CHODL: variants seen among roughly 807,000 people sequenced by gnomAD.
CHODL encodes the protein transmembrane protein MT75.
A neutral mutation model predicts 34.5 loss-of-function variants in CHODL; 29 were observed. The observed-to-expected ratio is 0.84, with a 90% CI of 0.63 to 1.15. The LOEUF (loss-of-function observed/expected upper bound fraction) is 1.15, where lower values mean the gene tolerates loss of function less well. Ranked by LOEUF, CHODL falls within the 50% of genes most tolerant of loss-of-function variation. The pLI is 0.00. For missense variants in CHODL, 332 were observed against 332.5 expected (o/e 1.00, Z 0.01); for synonymous variants, 125 against 116.1 (o/e 1.08, Z -0.49).
intron 1 of CHODL, among the ~76,000 whole-genome samples, chr21:17,969,549 C>T (rs2063598061): frequency 6.6e-6 from 1 of 152,156 alleles, no homozygotes; most frequent in Non-Finnish European, 1.5e-5. Context: ...GGTTATATTA[C>T]ATTTTGAGAA....
chr21:18,227,896 A>G (rs562195608), intron 2 of CHODL, among the ~76,000 whole-genome samples: 78 of 152,328 alleles, frequency 5.1e-4, no homozygotes, highest in African/African-American at 1.8e-3. Context: ...TTTGCAATAA[A>G]TACAAATAAA....
intron 2 of CHODL, among the ~76,000 whole-genome samples, chr21:18,179,168 G>A (rs762277591): frequency 6.6e-6 from 1 of 152,124 alleles, no homozygotes; most frequent in Non-Finnish European, 1.5e-5. Flanking sequence ...GGAGTTTTGA[G>A]GTGGTGCAGG....
chr21:18,023,992 T>C (rs1383302434), intron 1 of CHODL, among the ~76,000 whole-genome samples: 1 of 152,172 alleles, frequency 6.6e-6, no homozygotes, highest in African/African-American at 2.4e-5. Context: ...ATAACTTTGG[T>C]TGACTTACAC....
chr21:18,208,176 T>A (rs1400774378), intron 2 of CHODL, among the ~76,000 whole-genome samples: 1 of 151,066 alleles, frequency 6.6e-6, no homozygotes, highest in East Asian at 1.9e-4. Flanking sequence ...TTCTTCTTTT[T>A]TTTTTTTGGT....
chr21:18,109,417 A>C (rs2065319463), intron 2 of CHODL, among the ~76,000 whole-genome samples: 1 of 152,074 alleles, frequency 6.6e-6, no homozygotes, highest in Non-Finnish European at 1.5e-5. Context: ...AGCAGAGAGA[A>C]TGGAGACTCT....
At chr21:18,133,245 C>T (rs545226431) in intron 2 of CHODL, among the ~76,000 whole-genome samples, 160 of 152,198 alleles carry the variant, frequency 1.1e-3, no homozygotes, top group Non-Finnish European at 1.9e-3. Flanking sequence ...GTAACCACTG[C>T]CAATTGTTCG....
At chr21:18,020,189 T>A (rs1429413068) in intron 1 of CHODL, among the ~76,000 whole-genome samples, 5 of 152,166 alleles carry the variant, frequency 3.3e-5, no homozygotes, top group Non-Finnish European at 7.3e-5. Context: ...TGAAATTGTT[T>A]AGTTGGCTCA....
At chr21:18,150,013 A>T (rs779992875) in intron 2 of CHODL, among the ~76,000 whole-genome samples, 3 of 152,176 alleles carry the variant, frequency 2.0e-5, no homozygotes, top group South Asian at 2.1e-4. Flanking sequence ...TATACATTTT[A>T]GGGAGATATG....
At chr21:18,223,546 G>A (rs1435312276) in intron 2 of CHODL, among the ~76,000 whole-genome samples, 1 of 152,086 alleles carries the variant, frequency 6.6e-6, no homozygotes, top group Non-Finnish European at 1.5e-5. Flanking sequence ...ACTGCATGTG[G>A]TAGGCAGATA....
chr21:18,141,504 A>T (rs1317792209), intron 2 of CHODL, among the ~76,000 whole-genome samples: 1 of 152,038 alleles, frequency 6.6e-6, no homozygotes, highest in Non-Finnish European at 1.5e-5. Context: ...GAAATGGGCA[A>T]CACAGAAGAT....
chr21:18,210,527 G>A (rs2073761249), intron 2 of CHODL, among the ~76,000 whole-genome samples: 2 of 152,190 alleles, frequency 1.3e-5, no homozygotes, highest in African/African-American at 4.8e-5. Context: ...TGTTCTTGTG[G>A]GGAGGACAAC....
At chr21:18,265,246 T>C (rs1285082745) in intron 5 of CHODL, among the ~76,000 whole-genome samples, 2 of 144,132 alleles carry the variant, frequency 1.4e-5, no homozygotes, top group African/African-American at 5.3e-5. Context: ...TATATATATA[T>C]GTGTATATAT....
At chr21:18,178,853 T>G (rs1024386138) in intron 2 of CHODL, among the ~76,000 whole-genome samples, 1 of 152,184 alleles carries the variant, frequency 6.6e-6, no homozygotes, top group African/African-American at 2.4e-5. Context: ...AGTTTAGTCA[T>G]GTATGTTAGA....
intron 2 of CHODL, among the ~76,000 whole-genome samples, chr21:18,190,656 G>A (rs2073499995): frequency 6.6e-6 from 1 of 152,166 alleles, no homozygotes; most frequent in South Asian, 2.1e-4. Context: ...ATTATGGGGA[G>A]TGAAATTCTA....
chr21:18,150,275 G>C (rs777601453), intron 2 of CHODL, among the ~76,000 whole-genome samples: 20 of 152,144 alleles, frequency 1.3e-4, no homozygotes, highest in Non-Finnish European at 2.9e-4. Flanking sequence ...GATTGTAAAT[G>C]CTTCTTAACA....
chr21:18,261,479 A>G (rs1187101270), intron 4 of CHODL, among the ~76,000 whole-genome samples: 1 of 152,034 alleles, frequency 6.6e-6, no homozygotes, highest in African/African-American at 2.4e-5. Context: ...CAGCTTGGCC[A>G]ACATGGCAAA....
intron 2 of CHODL, among the ~76,000 whole-genome samples, chr21:18,191,079 A>T (rs564386785): frequency 6.6e-6 from 1 of 152,280 alleles, no homozygotes; most frequent in Non-Finnish European, 1.5e-5. Context: ...ACTCTTAGAG[A>T]TAAAAGTTTT....
chr21:18,021,905 C>A (rs185954716), intron 1 of CHODL, among the ~76,000 whole-genome samples: 1 of 152,142 alleles, frequency 6.6e-6, no homozygotes, highest in African/African-American at 2.4e-5. Flanking sequence ...TCCTCTCCAC[C>A]TTAAATTCAT....
At chr21:18,084,923 G>A (rs2064986506) in intron 2 of CHODL, among the ~76,000 whole-genome samples, 1 of 42,856 alleles carries the variant, frequency 2.3e-5, no homozygotes. Context: ...TAGTAATAGT[G>A]TGTGTGTGTG....
Sources: allele counts gnomAD v4.1 joint callset (sites outside exome capture counted in the v4.1 genomes callset), GRCh38; gene constraint gnomAD v4.1.1; transcripts MANE v1.5; gene names NCBI Gene and HGNC (gene_info 2026-07-23, HGNC 2026-07-21).